The following LRP1B variants were observed in gnomAD, a reference collection of about 807,000 sequenced individuals.
The protein encoded by LRP1B is LDL receptor related protein 1B.
LRP1B carries 217 observed loss-of-function variants against 556.6 expected under a neutral mutation model. The observed-to-expected ratio is 0.39, with a 90% CI of 0.35 to 0.44. The LOEUF (loss-of-function observed/expected upper bound fraction) is 0.44, where lower values mean the gene tolerates loss of function less well. Among genes scored for constraint, LRP1B ranks in the 20% least tolerant of loss-of-function variants. The pLI, the probability that LRP1B is intolerant of heterozygous loss-of-function variation, is 1.00. For missense variants in LRP1B, 5,053 were observed against 5,620.8 expected (o/e 0.90, Z 3.23); for synonymous variants, 2,047 against 1,865.8 (o/e 1.10, Z -2.50).
chr2:141,701,395 T>C (rs941972697), intron 2 of LRP1B, among the ~76,000 whole-genome samples: 4 of 151,872 alleles, frequency 2.6e-5, no homozygotes, highest in Non-Finnish European at 5.9e-5. Context: ...GATGGACTCC[T>C]AAGCATCACA....
At chr2:140,909,918 T>C (rs1295957272) in intron 21 of LRP1B, among the ~76,000 whole-genome samples, 2 of 151,016 alleles carry the variant, frequency 1.3e-5, no homozygotes, top group African/African-American at 4.8e-5. Flanking sequence ...CTTATACAAA[T>C]CCAAAATTCT....
At chr2:141,995,089 TATA>T (rs1461182105) in intron 1 of LRP1B, among the ~76,000 whole-genome samples, 2 of 152,064 alleles carry the variant, frequency 1.3e-5, no homozygotes, top group East Asian at 1.9e-4. Context: ...TAATAATTTA[TATA>T]ATAATAATAG....
chr2:142,032,262 G>C (rs570834157), intron 1 of LRP1B, among the ~76,000 whole-genome samples: 55 of 151,868 alleles, frequency 3.6e-4, no homozygotes, highest in African/African-American at 1.3e-3. Flanking sequence ...TCCTGTTTGA[G>C]TGTATGTGTT....
chr2:141,876,959 AC>A (rs1417368518), intron 1 of LRP1B, among the ~76,000 whole-genome samples: 1 of 151,966 alleles, frequency 6.6e-6, no homozygotes, highest in African/African-American at 2.4e-5. Context: ...AGATATTTAA[AC>A]TTTTCTTTTT....
chr2:141,247,367 A>C lies in LRP1B; in HGVS notation c.464-13T>G, dbSNP rs771108754. 1.9e-6 allele frequency: 3 copies of C among 1,612,816 alleles called. No homozygotes were observed. Among genetic ancestry groups the C allele is most frequent in the East Asian group, 2.2e-5 (1 of 44,806 alleles). On this transcript the variant is annotated splice_polypyrimidine_tract_variant and intron_variant, in intron 4 of 90. Transcript: ENST00000389484. ...CATTCATCTTGATCTAAAAAGGAAAATTGGCATCATTTCTAAGCAGCTTTA... is the reference window on the plus strand; with the variant it reads ...CATTCATCTTGATCTAAAAAGGAAACTTGGCATCATTTCTAAGCAGCTTTA...
chr2:141,502,274 G>A (rs1431462864), intron 2 of LRP1B, among the ~76,000 whole-genome samples: 1 of 152,098 alleles, frequency 6.6e-6, no homozygotes, highest in Non-Finnish European at 1.5e-5. Context: ...TTTCCCCAAG[G>A]GGAAGACAAA....
chr2:140,585,219 T>A (rs181355828), intron 43 of LRP1B, among the ~76,000 whole-genome samples: 6 of 152,084 alleles, frequency 3.9e-5, no homozygotes, highest in Admixed American at 1.3e-4. Context: ...AGGGGGGATT[T>A]ACAAGAATTA....
intron 2 of LRP1B, among the ~76,000 whole-genome samples, chr2:141,606,901 A>T (rs1234429121): frequency 6.6e-6 from 1 of 152,114 alleles, no homozygotes. Flanking sequence ...CCATTATTAC[A>T]TTTTATTGGT....
At chr2:140,408,636 A>C (rs1321226332) in intron 66 of LRP1B, among the ~76,000 whole-genome samples, 1 of 151,976 alleles carries the variant, frequency 6.6e-6, no homozygotes, top group Non-Finnish European at 1.5e-5. Flanking sequence ...GACCTCTTGA[A>C]GACTGAGGGA....
At chr2:140,278,690 T>C (rs1020807317) in intron 84 of LRP1B, among the ~76,000 whole-genome samples, 2 of 152,044 alleles carry the variant, frequency 1.3e-5, no homozygotes, top group African/African-American at 4.8e-5. Context: ...ATTTACACTT[T>C]AATAAATAAT....
intron 7 of LRP1B, among the ~76,000 whole-genome samples, chr2:141,176,673 C>G (rs1220698760): frequency 2.0e-5 from 3 of 151,040 alleles, no homozygotes; most frequent in Non-Finnish European, 3.0e-5. Context: ...ATTATGTTTT[C>G]AAAACAAACT....
chr2:141,290,974 A>G (rs1685922108), intron 3 of LRP1B, among the ~76,000 whole-genome samples: 1 of 152,160 alleles, frequency 6.6e-6, no homozygotes, highest in African/African-American at 2.4e-5. Flanking sequence ...TGTTATTTTT[A>G]GCCTATAGAT....
Position 140,779,816 on chromosome 2 carries a change from A to G in LRP1B, c.5360-3578T>C, listed in dbSNP as rs952449729. On this transcript the variant is annotated intron_variant, in intron 32 of 90. Transcript: ENST00000389484. ...TGCAGAGGGGAGATATATATCATAA[A>G]TTTACCTCCCATGAACTCTTTCTTA... Among the ~76,000 whole-genome samples the G allele has an allele frequency of 4.7e-5, 7 of 150,414 alleles. 1 individual carries two copies. The South Asian group carries it at 8.4e-4, about 18-fold the overall frequency.
intron 1 of LRP1B, among the ~76,000 whole-genome samples, chr2:141,959,731 T>C (rs1701350903): frequency 6.6e-6 from 1 of 151,980 alleles, no homozygotes; most frequent in Non-Finnish European, 1.5e-5. Flanking sequence ...TTTACATTTT[T>C]GTATTAAGTC....
chr2:140,439,110 C>T (rs1347284887), intron 66 of LRP1B, among the ~76,000 whole-genome samples: 3 of 152,134 alleles, frequency 2.0e-5, no homozygotes, highest in African/African-American at 7.2e-5. Flanking sequence ...GAATCTAGCA[C>T]AGTCTGTCAA....
At chr2:140,526,670 C>T (rs573188231) in intron 47 of LRP1B, among the ~76,000 whole-genome samples, 147 of 139,094 alleles carry the variant, frequency 1.1e-3, no homozygotes, top group Non-Finnish European at 1.8e-3. Context: ...TATCATATTG[C>T]TGTGGTAATA....
intron 3 of LRP1B, among the ~76,000 whole-genome samples, chr2:141,437,708 G>C (rs989864911): frequency 1.3e-5 from 2 of 151,798 alleles, no homozygotes; most frequent in Admixed American, 1.3e-4. Context: ...GACAAAAGCA[G>C]CATTGTCTTT....
intron 31 of LRP1B, among the ~76,000 whole-genome samples, chr2:140,822,753 G>A (rs1435852386): frequency 6.6e-6 from 1 of 152,026 alleles, no homozygotes; most frequent in African/African-American, 2.4e-5. Flanking sequence ...CATTATCTTT[G>A]CTGAGGTTAA....
intron 1 of LRP1B, among the ~76,000 whole-genome samples, chr2:142,069,688 A>T (rs1705240171): frequency 6.6e-6 from 1 of 151,854 alleles, no homozygotes; most frequent in Non-Finnish European, 1.5e-5. Flanking sequence ...CAATTTGTAC[A>T]TGCGAAAAGG....
Sources: allele counts gnomAD v4.1 joint callset (sites outside exome capture counted in the v4.1 genomes callset), GRCh38; gene constraint gnomAD v4.1.1; transcripts MANE v1.5; gene names NCBI Gene and HGNC (gene_info 2026-07-23, HGNC 2026-07-21).